The following ATXN10 variants were observed in gnomAD, a reference collection of about 807,000 sequenced individuals.
ATXN10 encodes the protein ataxin 10.
ATXN10 carries 28 observed loss-of-function variants against 52.9 expected under a neutral mutation model. That is an observed-to-expected ratio of 0.53 (90% confidence interval 0.39 to 0.73). The LOEUF (loss-of-function observed/expected upper bound fraction) is 0.73. Among genes scored for constraint, ATXN10 ranks in the 30% least tolerant of loss-of-function variants. ATXN10 has a pLI of 0.00. For missense variants in ATXN10, 565 were observed against 577.0 expected, an observed-to-expected ratio of 0.98 and a Z score of 0.21; for synonymous variants, 226 against 221.5, an observed-to-expected ratio of 1.02 and a Z score of -0.18.
intron 9 of ATXN10, chr22:45,760,671 C>T (rs1286680920): frequency 3.2e-5 from 5 of 154,032 alleles, no homozygotes; most frequent in Non-Finnish European, 7.3e-5. Flanking sequence ...TCTGAGTATT[C>T]GTCTCTTACC....
intron 6 of ATXN10, among the ~76,000 whole-genome samples, chr22:45,719,051 ATT>A (rs752511295): frequency 2.2e-5 from 3 of 138,694 alleles, no homozygotes; most frequent in Admixed American, 7.3e-5. Flanking sequence ...GTGTGTGTGT[ATT>A]TTTTTTTTTT....
chr22:45,831,467 C>T (rs1290339156), intron 10 of ATXN10, among the ~76,000 whole-genome samples: 1 of 152,042 alleles, frequency 6.6e-6, no homozygotes, highest in Non-Finnish European at 1.5e-5. Context: ...GGCCTGAGCA[C>T]AAAATAGTTT....
rs758588091 is a variant in ATXN10 at position 45,757,190 on chromosome 22, A to G, written c.1173+16652A>G. Among the ~76,000 whole-genome samples, 4 of 152,144 alleles carry G rather than the reference A, an allele frequency of 2.6e-5. No homozygotes were observed. Among genetic ancestry groups the G allele is most frequent in the Non-Finnish European group, 5.9e-5 (4 of 68,020 alleles). ...GGAGGTGGGTGGCGGGGGTGTTGAC[A>G]GGAAAAATCCGACTGGCGGCCTTGG... is the stretch of plus-strand genomic sequence containing the variant. On this transcript the variant is annotated intron_variant, in intron 9 of 11. Coordinates refer to ENST00000252934, the MANE Select transcript of ATXN10 (RefSeq NM_013236.4). The surrounding 1 kb of genome is among the most constrained non-coding windows in gnomAD (Gnocchi z 4.6).
rs1184504038 is a variant in ATXN10, at chr22:45,780,967, T to G, written c.1174-25992T>G. 6.6e-6 allele frequency among the ~76,000 whole-genome samples: 1 copy of G among 152,156 alleles called. No individual in the cohort carries two copies. The highest frequency in any genetic ancestry group is 1.5e-5 in the Non-Finnish European group (1 of 68,014). ...CGATAAGGTGGCAAGTTCCCTGGGT[T>G]TTCTCAGACTGATTAATGTTAGAGA... On this transcript the variant is annotated intron_variant, in intron 9 of 11. Coordinates refer to ENST00000252934, the MANE Select transcript of ATXN10 (RefSeq NM_013236.4). This position sits in a 1 kb window ranked among gnomAD's most constrained non-coding sequence, Gnocchi z 4.0.
At position 45,750,962 on chromosome 22, in the gene ATXN10, G is replaced by A. The variant is rs1355894420; in HGVS notation, c.1173+10424G>A. On this transcript the variant is annotated intron_variant, in intron 9 of 11. Coordinates refer to ENST00000252934, the MANE Select transcript of ATXN10 (RefSeq NM_013236.4). This position sits in a 1 kb window ranked among gnomAD's most constrained non-coding sequence, Gnocchi z 4.2. Reference sequence around the variant, plus strand: ...CTGTTTTTTTTTGAGACAGAGTCTTGCTTTGTTGCCCAGGCTGGAGTGCAG... The same window carrying A: ...CTGTTTTTTTTTGAGACAGAGTCTTACTTTGTTGCCCAGGCTGGAGTGCAG... Among the ~76,000 whole-genome samples, 1 of 151,106 alleles carries A rather than the reference G, an allele frequency of 6.6e-6. No individual in the cohort carries two copies. The highest frequency in any genetic ancestry group is 1.5e-5 in the Non-Finnish European group (1 of 67,862).
Position 45,738,838 on chromosome 22 carries a change from T to C in ATXN10, c.1002T>C (p.Ile334=), listed in dbSNP as rs1335349187. The part of the protein sequence containing the change: ...QVFPGLLERV[I]DLLRVIHVAG... ...TCCCTGGCTTGCTGGAAAGAGTGAT[T>C]GGTGAGTGAAATATCACACATTGTA... The change falls in exon 8 of 12, where the codon ATT becomes ATC. Residue 334 remains isoleucine, a splice_region_variant and synonymous_variant. Transcript: ENST00000252934. 3.7e-6 allele frequency: 6 copies of C among 1,610,908 alleles called. No homozygotes were observed. The highest frequency in any genetic ancestry group is 5.1e-6 in the Non-Finnish European group (6 of 1,177,178).
At chr22:45,811,642 G>C in intron 10 of ATXN10, 1 of 456,468 alleles carries the variant, frequency 2.2e-6, no homozygotes. Flanking sequence ...ATATAGCCTA[G>C]AATGTGAGTA....
At position 45,690,116 on chromosome 22, in the gene ATXN10, A is replaced by T. The variant is rs909967306; in HGVS notation, c.308+213A>T. 2.0e-5 allele frequency among the ~76,000 whole-genome samples: 3 copies of T among 152,064 alleles called. No homozygotes were observed. Among genetic ancestry groups the T allele is most frequent in the Non-Finnish European group, 4.4e-5 (3 of 68,004 alleles). Reference sequence around the variant, plus strand: ...GGTGAGACCCTGTCTCTACAAAAAAAATACAAAAAATTAGCTGGACATGGT... The same window carrying T: ...GGTGAGACCCTGTCTCTACAAAAAATATACAAAAAATTAGCTGGACATGGT... On this transcript the variant is annotated intron_variant, in intron 2 of 11. Transcript: ENST00000252934. The surrounding 1 kb of genome is among the most constrained non-coding windows in gnomAD (Gnocchi z 4.5).
chr22:45,834,466 G>T (rs1244264546), intron 10 of ATXN10, among the ~76,000 whole-genome samples: 1 of 152,202 alleles, frequency 6.6e-6, no homozygotes, highest in African/African-American at 2.4e-5. Flanking sequence ...GTTGTGTGTG[G>T]AGACACTGAG....
chr22:45,775,719 T>C lies in ATXN10; in HGVS notation c.1174-31240T>C, dbSNP rs1412892042. ...GATTTAGTGAAAAACAGCGGTTGAGTAGTTTCCATGCTTCAAGTTTTACTT... is the reference window on the plus strand; with the variant it reads ...GATTTAGTGAAAAACAGCGGTTGAGCAGTTTCCATGCTTCAAGTTTTACTT... On this transcript the variant is annotated intron_variant, in intron 9 of 11. Transcript: ENST00000252934. This position sits in a 1 kb window ranked among gnomAD's most constrained non-coding sequence, Gnocchi z 4.7. Among the ~76,000 whole-genome samples, 1 of 152,150 alleles carries C rather than the reference T, an allele frequency of 6.6e-6. No individual in the cohort carries two copies. The highest frequency in any genetic ancestry group is 2.4e-5 in the African/African-American group (1 of 41,416).
chr22:45,744,972 A>T lies in ATXN10; in HGVS notation c.1173+4434A>T, dbSNP rs1026284659. ...TTCCCTTTACCTCGTCATGGTAGGG[A>T]GGTGTCAAATCCTTACTGACTTCTA... On this transcript the variant is annotated intron_variant, in intron 9 of 11. Transcript: ENST00000252934. This position sits in a 1 kb window ranked among gnomAD's most constrained non-coding sequence, Gnocchi z 4.9. 6.6e-6 allele frequency among the ~76,000 whole-genome samples: 1 copy of T among 152,134 alleles called. No homozygotes were observed. The highest frequency in any genetic ancestry group is 1.5e-5 in the Non-Finnish European group (1 of 68,020).
At chr22:45,801,520 T>C (rs1158681884) in intron 9 of ATXN10, among the ~76,000 whole-genome samples, 1 of 152,192 alleles carries the variant, frequency 6.6e-6, no homozygotes, top group African/African-American at 2.4e-5. Context: ...AGATCAATGG[T>C]ACTATATTTT....
intron 9 of ATXN10, among the ~76,000 whole-genome samples, chr22:45,741,256 A>C (rs1057056557): frequency 6.6e-6 from 1 of 151,910 alleles, no homozygotes; most frequent in Admixed American, 6.6e-5. Context: ...TGACTTTGCC[A>C]CTCCCCTGTC....
intron 9 of ATXN10, among the ~76,000 whole-genome samples, chr22:45,746,778 G>A (rs1309968639): frequency 6.6e-6 from 1 of 152,098 alleles, no homozygotes; most frequent in Non-Finnish European, 1.5e-5. Flanking sequence ...ATACTCTTCT[G>A]CCCTCTGCTC....
In ATXN10 at chr22:45,728,525, T is replaced by G. The variant is rs1453952543; in HGVS notation, c.729-900T>G. On this transcript the variant is annotated intron_variant, in intron 6 of 11. Coordinates refer to ENST00000252934, the MANE Select transcript of ATXN10 (RefSeq NM_013236.4). This position sits in a 1 kb window ranked among gnomAD's most constrained non-coding sequence, Gnocchi z 4.3. The stretch of plus-strand genomic sequence containing the variant: ...TGAAGCAGTAAATAATTTAAATTTT[T>G]TTCTTGGTAAGAAATGTTCCATGCC... Among the ~76,000 whole-genome samples the G allele has an allele frequency of 3.3e-5, 5 of 152,234 alleles. No homozygotes were observed.
At chr22:45,680,718 C>T (rs1387301230) in intron 1 of ATXN10, among the ~76,000 whole-genome samples, 2 of 151,886 alleles carry the variant, frequency 1.3e-5, no homozygotes, top group Admixed American at 1.3e-4. Context: ...CCTGCCTCAG[C>T]CTCCCATAGT....
intron 5 of ATXN10, among the ~76,000 whole-genome samples, chr22:45,704,981 G>C (rs1320293057): frequency 6.6e-6 from 1 of 152,122 alleles, no homozygotes; most frequent in Non-Finnish European, 1.5e-5. Context: ...TTTTTATTAT[G>C]AAAGTCTATT....
At chr22:45,679,464 T>A (rs1922830128) in intron 1 of ATXN10, 1 of 152,220 alleles carries the variant, frequency 6.6e-6, no homozygotes, top group Non-Finnish European at 1.5e-5. Context: ...GTGAATAGAT[T>A]AAGCACTTTA....
chr22:45,762,980 C>T lies in ATXN10; in HGVS notation c.1173+22442C>T, dbSNP rs900927290. Among the ~76,000 whole-genome samples, 10 of 152,238 alleles carry T rather than the reference C, an allele frequency of 6.6e-5. No homozygotes were observed. The highest frequency in any genetic ancestry group is 1.2e-4 in the Non-Finnish European group (8 of 68,046). On this transcript the variant is annotated intron_variant, in intron 9 of 11. Coordinates refer to ENST00000252934, the MANE Select transcript of ATXN10 (RefSeq NM_013236.4). This position sits in a 1 kb window ranked among gnomAD's most constrained non-coding sequence, Gnocchi z 4.3. ...ACCCCAGCATCCGGAATCAGACCAT[C>T]CTCAGGGGATTGGAATGCACAGAAG...
Sources: allele counts gnomAD v4.1 joint callset (sites outside exome capture counted in the v4.1 genomes callset), GRCh38; gene constraint gnomAD v4.1.1; non-coding constraint Gnocchi (gnomAD v3.1); transcripts MANE v1.5; gene names NCBI Gene and HGNC (gene_info 2026-07-23, HGNC 2026-07-21).